NOL11: variants seen among roughly 807,000 people sequenced by gnomAD.
The protein encoded by NOL11 is nucleolar protein 11.
A neutral mutation model predicts 93.0 loss-of-function variants in NOL11; 42 were observed. The observed-to-expected ratio is 0.45, with a 90% CI of 0.35 to 0.58. NOL11 has a LOEUF of 0.58. Among genes scored for constraint, NOL11 ranks in the 20% least tolerant of loss-of-function variants. NOL11 has a pLI of 0.00. For synonymous variants in NOL11, 296 were observed against 293.7 expected (o/e 1.01, Z -0.08); for missense variants, 775 against 841.8 (o/e 0.92, Z 0.98).
chr17:67,729,382 G>A (rs2143108100), intron 7 of NOL11, among the ~76,000 whole-genome samples: 1 of 152,154 alleles, frequency 6.6e-6, no homozygotes, highest in African/African-American at 2.4e-5. Flanking sequence ...GCCTCCCAAA[G>A]TGCTGGGATT....
At chr17:67,727,215 T>G (rs1479995434) in intron 7 of NOL11, among the ~76,000 whole-genome samples, 1 of 152,210 alleles carries the variant, frequency 6.6e-6, no homozygotes, top group Non-Finnish European at 1.5e-5. Context: ...TCGTTTAGCA[T>G]AAGTCCCTTC....
chr17:67,740,854 GA>G (rs2055249705), intron 16 of NOL11: 1 of 154,170 alleles, frequency 6.5e-6, no homozygotes, highest in Admixed American at 6.6e-5. Flanking sequence ...TCTAACGAAG[GA>G]TTTTAAACAC....
intron 13 of NOL11, 74 bp from the exon 14 acceptor site, chr17:67,738,048 A>T (rs1441415489): frequency 2.3e-5 from 36 of 1,552,466 alleles, no homozygotes; most frequent in Non-Finnish European, 3.0e-5. Context: ...CAAAATTTTG[A>T]TGCTTAGGAA....
intron 1 of NOL11, among the ~76,000 whole-genome samples, chr17:67,718,694 C>T (rs1442766376): frequency 1.3e-5 from 2 of 152,202 alleles, no homozygotes; most frequent in Non-Finnish European, 2.9e-5. Context: ...ATAGAGAACA[C>T]TTTCTAACCT....
intron 7 of NOL11, among the ~76,000 whole-genome samples, chr17:67,732,970 TTATTAATGC>T (rs1307658497): frequency 1.3e-5 from 2 of 152,196 alleles, no homozygotes; most frequent in South Asian, 2.1e-4. Context: ...CTGAATTTGT[TTATTAATGC>T]TATTAATGCT....
intron 6 of NOL11, among the ~76,000 whole-genome samples, chr17:67,724,990 G>A (rs141607204): frequency 0.025 from 3,819 of 152,234 alleles, 144 homozygotes; most frequent in African/African-American, 0.087. Flanking sequence ...CCCAGGAGGC[G>A]GAGCTTGCAG....
intron 9 of NOL11, 53 bp downstream of exon 9, chr17:67,736,076 T>C (rs2055199469): frequency 6.7e-7 from 1 of 1,500,768 alleles, no homozygotes; most frequent in Non-Finnish European, 9.1e-7. Context: ...TATTAACTTG[T>C]AGTTTCGTAC....
At position 67,724,202 on chromosome 17, in the gene NOL11, T is replaced by G. The variant is rs1049589536; in HGVS notation, c.664+9T>G. The G allele has an allele frequency of 1.3e-6, 2 of 1,508,354 alleles. No individual in the cohort carries two copies. The highest frequency in any genetic ancestry group is 1.2e-5 in the South Asian group (1 of 83,970). 93.4% of individuals were successfully genotyped at this position (1,508,354 alleles called of 1,614,324 possible). A position where few individuals can be genotyped will look rare whatever the true frequency, so the allele number is the denominator to read the frequency against. ...CTCTTTGATGTCATTAAGTAAGTTT[T>G]CTTTCTTTAAACTTTCAGAGATTAT... On this transcript the variant is annotated intron_variant, in intron 6 of 17. Coordinates refer to ENST00000253247, the MANE Select transcript of NOL11 (RefSeq NM_015462.5).
At chr17:67,720,059 A>G (rs988195068) in intron 3 of NOL11, 97 bp downstream of exon 3, 2 of 1,157,234 alleles carry the variant, frequency 1.7e-6, no homozygotes, top group African/African-American at 3.1e-5. Context: ...TACCTCTGGG[A>G]AAATAAGCAT....
chr17:67,733,575 G>T (rs2055174728), intron 7 of NOL11, among the ~76,000 whole-genome samples: 1 of 152,104 alleles, frequency 6.6e-6, no homozygotes, highest in Non-Finnish European at 1.5e-5. Context: ...CTTATCTTAG[G>T]GGGAAAGCTT....
intron 16 of NOL11, among the ~76,000 whole-genome samples, chr17:67,741,485 A>T (rs2055256473): frequency 6.6e-6 from 1 of 152,112 alleles, no homozygotes; most frequent in Admixed American, 6.6e-5. Context: ...CTCCCAAAGC[A>T]TGTGGATTAC....
rs2055220112 is a variant in NOL11, at chr17:67,738,140, T to G, written c.1548T>G (p.Leu516=). The change falls in exon 14 of 18, where the codon CTT becomes CTG. Residue 516 remains leucine, a synonymous_variant. Coordinates refer to ENST00000253247, the MANE Select transcript of NOL11 (RefSeq NM_015462.5). ...ATCATAGCATTGGTGATGACAGTCT[T>G]CAAGAAACAGATGTTAATATGGAGT... The part of the protein sequence containing the change: ...KIFLSIGDDS[L]QETDVNMESV... The G allele has an allele frequency of 6.2e-7, 1 of 1,610,644 alleles. No homozygotes were observed. The highest frequency in any genetic ancestry group is 8.5e-7 in the Non-Finnish European group (1 of 1,177,644).
rs990891915 is a variant in NOL11, at chr17:67,722,767, C to G, written c.519+130C>G. ...TGGTGCCACGATGGTTCACTGCAGCCTCAACCTCCTGGCTCAAGCAGTCCT... is the reference window on the plus strand; with the variant it reads ...TGGTGCCACGATGGTTCACTGCAGCGTCAACCTCCTGGCTCAAGCAGTCCT... On this transcript the variant is annotated intron_variant, in intron 5 of 17. Transcript: ENST00000253247. The G allele has an allele frequency of 4.0e-6, 5 of 1,252,008 alleles. No homozygotes were observed. The African/African-American group carries it at 6.4e-5, about 16-fold the overall frequency. The allele number at this position is 1,252,008 out of a possible 1,614,324, so 77.6% of individuals were successfully genotyped here. A position where few individuals can be genotyped will look rare whatever the true frequency, so the allele number is the denominator to read the frequency against.
At chr17:67,728,233 C>T (rs1195291464) in intron 7 of NOL11, among the ~76,000 whole-genome samples, 6 of 152,200 alleles carry the variant, frequency 3.9e-5, no homozygotes, top group Admixed American at 3.9e-4. Flanking sequence ...GCACTCCAGC[C>T]TGGGGGACAG....
At chr17:67,718,617 C>G (rs895908255) in intron 1 of NOL11, among the ~76,000 whole-genome samples, 2 of 152,162 alleles carry the variant, frequency 1.3e-5, no homozygotes. Context: ...CTGATTCACG[C>G]TGGGAATCCT....
At chr17:67,722,771 A>G in intron 5 of NOL11, 134 bp downstream of exon 5, 1 of 1,231,460 alleles carries the variant, frequency 8.1e-7, no homozygotes, top group Non-Finnish European at 1.1e-6. Flanking sequence ...TGCAGCCTCA[A>G]CCTCCTGGCT....
At chr17:67,731,742 T>C (rs1211588126) in intron 7 of NOL11, among the ~76,000 whole-genome samples, 2 of 152,214 alleles carry the variant, frequency 1.3e-5, no homozygotes, top group Non-Finnish European at 2.9e-5. Context: ...CTTTGTTCCT[T>C]TGCCTGTGGC....
intron 3 of NOL11, among the ~76,000 whole-genome samples, 158 bp from the exon 4 acceptor site, chr17:67,721,220 T>C (rs1310208637): frequency 6.6e-6 from 1 of 152,218 alleles, no homozygotes; most frequent in East Asian, 1.9e-4. Context: ...ATGTGTTTTG[T>C]GTTGTAGGTT....
At chr17:67,726,881 C>A in intron 7 of NOL11, 1 of 357,376 alleles carries the variant, frequency 2.8e-6, no homozygotes, top group Non-Finnish European at 5.0e-6. Context: ...ATAACTATGT[C>A]ATAAAGAAAT....
Sources: gnomAD v4.1 joint callset for allele counts (sites outside exome capture counted in the v4.1 genomes callset) on GRCh38, gnomAD v4.1.1 for gene constraint, MANE v1.5 for transcripts, NCBI Gene and HGNC (gene_info 2026-07-23, HGNC 2026-07-21) for gene names.